Variants in SNX17 observed in about 807,000 individuals in gnomAD.
SNX17 encodes the protein sorting nexin-17.
A neutral mutation model predicts 64.3 loss-of-function variants in SNX17; 35 were observed. The ratio of observed to expected loss-of-function variants is 0.54; its 90% CI spans 0.42 to 0.72. SNX17 has a LOEUF of 0.72. Among genes scored for constraint, SNX17 ranks in the 30% least tolerant of loss-of-function variants. The probability of loss-of-function intolerance (pLI) is 0.00; values close to 1 mark genes in which losing one functional copy is unlikely to be tolerated. For synonymous variants in SNX17, 259 were observed against 230.2 expected (o/e 1.13, Z -1.13); for missense variants, 538 against 610.0 (o/e 0.88, Z 1.24).
chr2:27,370,631 C>A lies in SNX17; in HGVS notation c.-113C>A, dbSNP rs916340369. The stretch of plus-strand genomic sequence containing the variant: ...CGCCTTCCCACATCGGATCGCAGGG[C>A]TCCCAAAATGGCGAGTGAGGCTGCG... On this transcript the variant is annotated 5_prime_UTR_variant, in exon 1 of 15. Coordinates refer to ENST00000233575, the MANE Select transcript of SNX17 (RefSeq NM_014748.4). 2 of 1,457,104 alleles carry A rather than the reference C, an allele frequency of 1.4e-6. No individual in the cohort carries two copies. Among genetic ancestry groups the A allele is most frequent in the Non-Finnish European group, 1.8e-6 (2 of 1,103,704 alleles). 90.3% of individuals were successfully genotyped at this position (1,457,104 alleles called of 1,614,324 possible).
intron 6 of SNX17, 84 bp from the exon 7 acceptor site, chr2:27,374,262 G>A: frequency 8.0e-7 from 1 of 1,255,556 alleles, no homozygotes; most frequent in Non-Finnish European, 1.2e-6. Flanking sequence ...CCCCCAGAAT[G>A]AACATTGCCT....
At chr2:27,373,715 T>A (rs976815273) in intron 4 of SNX17, 146 bp from the exon 5 acceptor site, 2 of 643,888 alleles carry the variant, frequency 3.1e-6, no homozygotes, top group Non-Finnish European at 5.5e-6. Context: ...GGAATGGAAC[T>A]TCTATTCTTA....
chr2:27,375,120 CAA>C lies in SNX17; in HGVS notation c.743_744del (p.Lys248IlefsTer27), dbSNP rs1271682129. On this transcript the variant is annotated frameshift_variant, in exon 9 of 15. Transcript: ENST00000233575. LOFTEE classifies it high-confidence loss of function. The surrounding 1 kb of genome is among the most constrained non-coding windows in gnomAD (Gnocchi z 4.1). ...TCACCAAGGAACAGCACCGGCAACT[CAA>C]ATCTCTGCAAGAGAAAGTCTCCAAG... is the stretch of plus-strand genomic sequence containing the variant. The part of the protein sequence containing the change: ...LVTKEQHRQL[K>X]SLQEKVSKKE... 6.2e-7 allele frequency: 1 copy of C among 1,613,948 alleles called. No individual in the cohort carries two copies. Among genetic ancestry groups the C allele is most frequent in the Non-Finnish European group, 8.5e-7 (1 of 1,180,024 alleles).
In SNX17 at chr2:27,372,620, T is replaced by A; in HGVS notation, c.139-3T>A. 6.2e-7 allele frequency: 1 copy of A among 1,614,192 alleles called. No individual in the cohort carries two copies. The highest frequency in any genetic ancestry group is 8.5e-7 in the Non-Finnish European group (1 of 1,180,026). On this transcript the variant is annotated splice_polypyrimidine_tract_variant and splice_region_variant and intron_variant, in intron 2 of 14. Coordinates refer to ENST00000233575, the MANE Select transcript of SNX17 (RefSeq NM_014748.4). ...GAAGGGTTGTATCTCTTTCTCTAAA[T>A]AGCTTCGGAAGGAGTATGGGGCCAA...
rs749722581 is a variant in SNX17 at position 27,377,402 on chromosome 2, T to TG, written c.*685dup. ...GTGCCTCAGTCAAGGCAAGGTCCCC[T>TG]GGTCCATATGGGCCCCCCCGCCCAT... On this transcript the variant is annotated 3_prime_UTR_variant, in exon 15 of 15. Coordinates refer to ENST00000233575, the MANE Select transcript of SNX17 (RefSeq NM_014748.4). This position sits in a 1 kb window ranked among gnomAD's most constrained non-coding sequence, Gnocchi z 4.4. 51 of 885,834 alleles carry TG rather than the reference T, an allele frequency of 5.8e-5. No individual in the cohort carries two copies. Among genetic ancestry groups the TG allele is most frequent in the Non-Finnish European group, 8.7e-5 (48 of 551,778 alleles). The allele number at this position is 885,834 out of a possible 1,614,324, so 54.9% of individuals were successfully genotyped here.
chr2:27,370,712 C>A lies in SNX17; in HGVS notation c.-32C>A. ...GCAGAGCCGCTGCGGCCCTCACAGTCCGGAGCCCGGCCGTGCCGTGCCGTA... is the reference window on the plus strand; with the variant it reads ...GCAGAGCCGCTGCGGCCCTCACAGTACGGAGCCCGGCCGTGCCGTGCCGTA... On this transcript the variant is annotated 5_prime_UTR_variant, in exon 1 of 15. Coordinates refer to ENST00000233575, the MANE Select transcript of SNX17 (RefSeq NM_014748.4). 1 of 1,537,256 alleles carries A rather than the reference C, an allele frequency of 6.5e-7. No individual in the cohort carries two copies. Among genetic ancestry groups the A allele is most frequent in the South Asian group, 1.2e-5 (1 of 83,090 alleles).
In SNX17 at chr2:27,376,933, C is replaced by G. The variant is rs1055547561; in HGVS notation, c.*214C>G. 13 of 579,850 alleles carry G rather than the reference C, an allele frequency of 2.2e-5. No homozygotes were observed. The highest frequency in any genetic ancestry group is 3.4e-5 in the Non-Finnish European group (11 of 325,044). 35.9% of individuals were successfully genotyped at this position (579,850 alleles called of 1,614,324 possible). A position where few individuals can be genotyped will look rare whatever the true frequency, so the allele number is the denominator to read the frequency against. On this transcript the variant is annotated 3_prime_UTR_variant, in exon 15 of 15. Coordinates refer to ENST00000233575, the MANE Select transcript of SNX17 (RefSeq NM_014748.4). The stretch of plus-strand genomic sequence containing the variant: ...CCCTTCTCTTTTCAGAGCTGGCCCT[C>G]GATGCCAAATTAGCATTTAGTATTT...
rs1375250615 is a variant in SNX17 at position 27,376,768 on chromosome 2, A to G, written c.*49A>G. 1 of 1,520,268 alleles carries G rather than the reference A, an allele frequency of 6.6e-7. No individual in the cohort carries two copies. Among genetic ancestry groups the G allele is most frequent in the Non-Finnish European group, 9.1e-7 (1 of 1,099,354 alleles). The allele number at this position is 1,520,268 out of a possible 1,614,324, so 94.2% of individuals were successfully genotyped here. ...CTCTACCCCAGAGGAATTTACAGAA[A>G]CTTGCCCTGTGCCTGTGTCCCCCAT... On this transcript the variant is annotated 3_prime_UTR_variant, in exon 15 of 15. Transcript: ENST00000233575.
Position 27,375,723 on chromosome 2 carries a change from G to C in SNX17, c.978+14G>C. 1.2e-6 allele frequency: 2 copies of C among 1,613,620 alleles called. No individual in the cohort carries two copies. Among genetic ancestry groups the C allele is most frequent in the Non-Finnish European group, 1.7e-6 (2 of 1,179,974 alleles). On this transcript the variant is annotated intron_variant, in intron 10 of 14. Coordinates refer to ENST00000233575, the MANE Select transcript of SNX17 (RefSeq NM_014748.4). This position sits in a 1 kb window ranked among gnomAD's most constrained non-coding sequence, Gnocchi z 4.1. The stretch of plus-strand genomic sequence containing the variant: ...GTCACCTCCTCTGTGAGTCGGGTTA[G>C]GAGGGGGAAGGGCCTGGGTTGGGGG...
chr2:27,372,239 C>T (rs899546894), intron 2 of SNX17, among the ~76,000 whole-genome samples: 3 of 152,164 alleles, frequency 2.0e-5, no homozygotes, highest in Non-Finnish European at 4.4e-5. Context: ...CTGCAAAGTC[C>T]CTTTAAGTCC....
chr2:27,376,228 T>G, intron 12 of SNX17, 45 bp downstream of exon 12: 1 of 1,612,866 alleles, frequency 6.2e-7, no homozygotes, highest in South Asian at 1.1e-5. Context: ...TGTGCTCCCC[T>G]TGCCTTTTGT....
Position 27,375,404 on chromosome 2 carries a change from C to A in SNX17, c.775-102C>A. On this transcript the variant is annotated intron_variant, in intron 9 of 14. Coordinates refer to ENST00000233575, the MANE Select transcript of SNX17 (RefSeq NM_014748.4). This position sits in a 1 kb window ranked among gnomAD's most constrained non-coding sequence, Gnocchi z 4.1. Reference sequence around the variant, plus strand: ...CTGTCTGCCTCTGCCTCCTAAAGTGCTGGGATTATAGGCATGAGCCACCGC... The same window carrying A: ...CTGTCTGCCTCTGCCTCCTAAAGTGATGGGATTATAGGCATGAGCCACCGC... The A allele has an allele frequency of 8.1e-7, 1 of 1,237,954 alleles. No homozygotes were observed. The allele number at this position is 1,237,954 out of a possible 1,614,324, so 76.7% of individuals were successfully genotyped here. A position where few individuals can be genotyped will look rare whatever the true frequency, so the allele number is the denominator to read the frequency against.
intron 2 of SNX17, 141 bp downstream of exon 2, chr2:27,371,484 A>G (rs915351847): frequency 1.4e-6 from 2 of 1,398,206 alleles, no homozygotes; most frequent in African/African-American, 3.0e-5. Flanking sequence ...GCCCTGGTTT[A>G]TCTTGTCTGA....
chr2:27,374,314 T>C, intron 6 of SNX17, 32 bp from the exon 7 acceptor site: 2 of 1,591,238 alleles, frequency 1.3e-6, no homozygotes, highest in Non-Finnish European at 1.7e-6. Context: ...TAAATCTCAC[T>C]ATATTTTCAT....
chr2:27,375,906 G>A lies in SNX17; in HGVS notation c.1039G>A (p.Glu347Lys). Residue 347 changes from glutamate to lysine, a missense_variant, in exon 11 of 15, where the codon GAA becomes AAA. Coordinates refer to ENST00000233575, the MANE Select transcript of SNX17 (RefSeq NM_014748.4). This position sits in a 1 kb window ranked among gnomAD's most constrained non-coding sequence, Gnocchi z 4.1. ...PGRGRGEVRL[E>K]LAFEYLMSKD... ...CCGGGGCCGGGGTGAGGTGCGCCTGGAACTGGCTTTTGAATACCTCATGAG... is the reference window on the plus strand; with the variant it reads ...CCGGGGCCGGGGTGAGGTGCGCCTGAAACTGGCTTTTGAATACCTCATGAG... 6.2e-7 allele frequency: 1 copy of A among 1,614,188 alleles called. No individual in the cohort carries two copies.
In SNX17 at chr2:27,370,775, G is replaced by A. The variant is rs926926761; in HGVS notation, c.32G>A (p.Arg11His). Residue 11 changes from arginine to histidine, a missense_variant, in exon 1 of 15, where the codon CGC becomes CAC. Around this residue, in one of 3 missense-constraint regions of SNX17, gnomAD observed 27 missense variants for 38.2 expected, o/e 0.71. Coordinates refer to ENST00000233575, the MANE Select transcript of SNX17 (RefSeq NM_014748.4). The part of the protein sequence containing the change: MHFSIPETES[R>H]SGDSGGSAYV... ...TTTTCCATTCCCGAAACCGAGTCCC[G>A]CAGCGGGGACAGCGGCGGCTCCGCC... The A allele has an allele frequency of 6.5e-7, 1 of 1,547,654 alleles. No homozygotes were observed.
chr2:27,372,766 G>T, intron 3 of SNX17, 26 bp downstream of exon 3: 1 of 1,613,872 alleles, frequency 6.2e-7, no homozygotes, highest in South Asian at 1.1e-5. Context: ...AAACTAGGTT[G>T]ACTATATTGA....
chr2:27,370,710 G>T lies in SNX17; in HGVS notation c.-34G>T. Reference sequence around the variant, plus strand: ...GTGCAGAGCCGCTGCGGCCCTCACAGTCCGGAGCCCGGCCGTGCCGTGCCG... The same window carrying T: ...GTGCAGAGCCGCTGCGGCCCTCACATTCCGGAGCCCGGCCGTGCCGTGCCG... On this transcript the variant is annotated 5_prime_UTR_variant, in exon 1 of 15. Coordinates refer to ENST00000233575, the MANE Select transcript of SNX17 (RefSeq NM_014748.4). 1 of 1,536,310 alleles carries T rather than the reference G, an allele frequency of 6.5e-7. No homozygotes were observed. Among genetic ancestry groups the T allele is most frequent in the Non-Finnish European group, 8.8e-7 (1 of 1,137,770 alleles).
At chr2:27,370,981 C>T (rs978268263) in intron 1 of SNX17, among the ~76,000 whole-genome samples, 175 bp downstream of exon 1, 6 of 152,234 alleles carry the variant, frequency 3.9e-5, no homozygotes, top group African/African-American at 1.4e-4. Context: ...GCAGTGGTCG[C>T]CCGAGCTCCT....
Sources: allele counts gnomAD v4.1 joint callset (sites outside exome capture counted in the v4.1 genomes callset), GRCh38; gene constraint gnomAD v4.1.1; regional missense constraint gnomAD v4.1.1; non-coding constraint Gnocchi (gnomAD v3.1); transcripts MANE v1.5; gene names NCBI Gene and HGNC (gene_info 2026-07-23, HGNC 2026-07-21).